Variants in MAGI2 observed in about 807,000 individuals in gnomAD.
The protein encoded by MAGI2 is membrane associated guanylate kinase, WW and PDZ domain containing 2, also known as membrane-associated guanylate kinase, WW and PDZ domain-containing protein 2.
A neutral mutation model predicts 133.3 loss-of-function variants in MAGI2; 35 were observed. The ratio of observed to expected loss-of-function variants is 0.26; its 90% confidence interval spans 0.20 to 0.35. The LOEUF is 0.35. MAGI2 is among the 10% of genes least tolerant of loss of function. The probability of loss-of-function intolerance (pLI) is 1.00; values close to 1 mark genes in which losing one functional copy is unlikely to be tolerated. For synonymous variants in MAGI2, 729 were observed against 710.6 expected (o/e 1.03, Z -0.41); for missense variants, 1,636 against 1,863.4 (o/e 0.88, Z 2.25).
intron 1 of MAGI2, among the ~76,000 whole-genome samples, chr7:79,208,727 C>T (rs190396189): frequency 4.1e-4 from 62 of 152,080 alleles, no homozygotes; most frequent in Admixed American, 8.5e-4. Flanking sequence ...GATCGCTGCA[C>T]TTCCATGTTT....
chr7:78,835,942 C>T (rs979459020), intron 2 of MAGI2, among the ~76,000 whole-genome samples: 1 of 152,148 alleles, frequency 6.6e-6, no homozygotes, highest in African/African-American at 2.4e-5. Flanking sequence ...TAATAGACTT[C>T]CTTCTGCAAT....
chr7:78,780,641 C>A (rs1331990462), intron 2 of MAGI2, among the ~76,000 whole-genome samples: 2 of 152,176 alleles, frequency 1.3e-5, no homozygotes, highest in East Asian at 3.8e-4. Context: ...TCTTATGTAA[C>A]TTTTGAATGA....
chr7:79,318,947 T>C (rs903900137), intron 1 of MAGI2, among the ~76,000 whole-genome samples: 1 of 152,162 alleles, frequency 6.6e-6, no homozygotes, highest in Non-Finnish European at 1.5e-5. Flanking sequence ...ATTTGCATTA[T>C]AAATATGCAT....
intron 2 of MAGI2, among the ~76,000 whole-genome samples, chr7:78,812,575 T>C (rs1203311373): frequency 1.7e-5 from 2 of 116,398 alleles, no homozygotes; most frequent in East Asian, 6.0e-4. Context: ...TCTACCTACA[T>C]ATATGTATGT....
intron 10 of MAGI2, among the ~76,000 whole-genome samples, chr7:78,219,440 C>G (rs1788587112): frequency 6.6e-6 from 1 of 152,172 alleles, no homozygotes; most frequent in Admixed American, 6.5e-5. Context: ...ACACCTGCTT[C>G]CTCCATCTGC....
intron 2 of MAGI2, among the ~76,000 whole-genome samples, chr7:78,681,138 T>A (rs1467498008): frequency 6.6e-6 from 1 of 152,088 alleles, no homozygotes; most frequent in Non-Finnish European, 1.5e-5. Flanking sequence ...TCTTCAGACA[T>A]TACAGCAACC....
At chr7:78,951,536 C>G (rs1304039585) in intron 2 of MAGI2, among the ~76,000 whole-genome samples, 6 of 152,080 alleles carry the variant, frequency 3.9e-5, no homozygotes, top group African/African-American at 1.4e-4. Flanking sequence ...CACTCACTAT[C>G]ACGAGATCCA....
At position 78,795,202 on chromosome 7, in the gene MAGI2, T is replaced by A. The variant is rs1269118269; in HGVS notation, c.419-167963A>T. Reference sequence around the variant, plus strand: ...TAATGATCTTATATATGAGATTATTTGATCATATGATTATTTGATTATTAT... The same window carrying A: ...TAATGATCTTATATATGAGATTATTAGATCATATGATTATTTGATTATTAT... On this transcript the variant is annotated intron_variant, in intron 2 of 21. Coordinates refer to ENST00000354212, the MANE Select transcript of MAGI2 (RefSeq NM_012301.4). Among the ~76,000 whole-genome samples, 4 of 152,026 alleles carry A rather than the reference T, an allele frequency of 2.6e-5. No homozygotes were observed. The East Asian group carries it at 7.7e-4, about 29-fold the overall frequency.
chr7:79,175,398 C>G (rs755562086), intron 1 of MAGI2, among the ~76,000 whole-genome samples: 45 of 151,854 alleles, frequency 3.0e-4, no homozygotes, highest in Non-Finnish European at 5.6e-4. Flanking sequence ...TCTGTTGCCC[C>G]CTTCCCATCT....
chr7:79,081,771 A>G (rs1435967955), intron 1 of MAGI2, among the ~76,000 whole-genome samples: 1 of 152,102 alleles, frequency 6.6e-6, no homozygotes, highest in Non-Finnish European at 1.5e-5. Flanking sequence ...AACTTTTTCC[A>G]TATGGGATGA....
rs557196767 is a variant in MAGI2, at chr7:78,516,593, T to G, written c.754+4837A>C. ...GTCTTGAATTCCTGACCTCAAGTGATCTACCTGCCTCAGCCCCACAAAGTG... is the reference window on the plus strand; with the variant it reads ...GTCTTGAATTCCTGACCTCAAGTGAGCTACCTGCCTCAGCCCCACAAAGTG... On this transcript the variant is annotated intron_variant, in intron 4 of 21. Coordinates refer to ENST00000354212, the MANE Select transcript of MAGI2 (RefSeq NM_012301.4). 9.2e-5 allele frequency among the ~76,000 whole-genome samples: 14 copies of G among 152,332 alleles called. No homozygotes were observed. The South Asian group carries it at 2.3e-3, about 25-fold the overall frequency.
At chr7:78,064,053 A>G (rs1275145472) in intron 21 of MAGI2, among the ~76,000 whole-genome samples, 1 of 152,190 alleles carries the variant, frequency 6.6e-6, no homozygotes, top group Non-Finnish European at 1.5e-5. Context: ...ATTACAGACT[A>G]GTTAAAGTAA....
At chr7:79,050,037 G>A (rs892323665) in intron 1 of MAGI2, among the ~76,000 whole-genome samples, 15 of 152,076 alleles carry the variant, frequency 9.9e-5, no homozygotes, top group African/African-American at 3.6e-4. Flanking sequence ...TTTTGTTTTT[G>A]ACCATGAAGC....
intron 1 of MAGI2, among the ~76,000 whole-genome samples, chr7:79,237,417 C>T (rs1015299937): frequency 3.3e-5 from 5 of 152,196 alleles, no homozygotes; most frequent in South Asian, 2.1e-4. Context: ...GGCATGAACC[C>T]GGGAGGTGGA....
intron 1 of MAGI2, among the ~76,000 whole-genome samples, chr7:79,169,216 T>C (rs777125333): frequency 2.0e-5 from 3 of 152,052 alleles, no homozygotes; most frequent in South Asian, 2.1e-4. Context: ...GTTCTTCCTG[T>C]GAGCTGGACC....
intron 1 of MAGI2, among the ~76,000 whole-genome samples, chr7:79,445,252 G>C (rs923891719): frequency 4.6e-5 from 7 of 152,070 alleles, no homozygotes; most frequent in African/African-American, 1.7e-4. Context: ...GACATAGGCA[G>C]GGGCAAGGAC....
chr7:78,623,466 T>C (rs758207209), intron 3 of MAGI2, among the ~76,000 whole-genome samples: 1 of 152,096 alleles, frequency 6.6e-6, no homozygotes, highest in Non-Finnish European at 1.5e-5. Context: ...ATATATAGTT[T>C]AAGGCAGCTT....
rs1385069818 is a variant in MAGI2 at position 78,405,994 on chromosome 7, T to C, written c.1046-36781A>G. On this transcript the variant is annotated intron_variant, in intron 6 of 21. Transcript: ENST00000354212. ...TAAAACATCAGAATTTAGTTTACAA[T>C]TGCCTTCAATCAGAGGACCACAGAA... is the stretch of plus-strand genomic sequence containing the variant. Among the ~76,000 whole-genome samples, 4 of 152,034 alleles carry C rather than the reference T, an allele frequency of 2.6e-5. No individual in the cohort carries two copies. In the East Asian group the frequency reaches 7.7e-4, roughly 29 times the overall value.
At chr7:78,768,378 T>C (rs1306430208) in intron 2 of MAGI2, among the ~76,000 whole-genome samples, 1 of 152,206 alleles carries the variant, frequency 6.6e-6, no homozygotes, top group African/African-American at 2.4e-5. Context: ...TCAGATTGTC[T>C]ACATGTATAA....
Sources: gnomAD v4.1 joint callset for allele counts (sites outside exome capture counted in the v4.1 genomes callset) on GRCh38, gnomAD v4.1.1 for gene constraint, MANE v1.5 for transcripts, NCBI Gene and HGNC (gene_info 2026-07-23, HGNC 2026-07-21) for gene names.